Variants in DNAJC1 observed in about 807,000 individuals in gnomAD.
DNAJC1 encodes dnaJ homolog subfamily C member 1.
Under a neutral mutation model 76.6 loss-of-function variants are expected in DNAJC1, and 58 were observed. The ratio of observed to expected loss-of-function variants is 0.76; its 90% CI spans 0.61 to 0.94. The LOEUF (loss-of-function observed/expected upper bound fraction) is 0.94. Among genes scored for constraint, DNAJC1 ranks in the 40% least tolerant of loss-of-function variants. DNAJC1 has a pLI of 0.00. For missense variants in DNAJC1, 689 were observed against 677.3 expected, an observed-to-expected ratio of 1.02 and a Z score of -0.19; for synonymous variants, 258 against 267.9, an observed-to-expected ratio of 0.96 and a Z score of 0.36.
chr10:21,908,489 T>TGGGG (rs55980435), intron 6 of DNAJC1, among the ~76,000 whole-genome samples: 108 of 137,070 alleles, frequency 7.9e-4, no homozygotes, highest in Middle Eastern at 3.6e-3. Context: ...CCATTTTTCA[T>TGGGG]GGGGGGGGGG....
intron 6 of DNAJC1, among the ~76,000 whole-genome samples, chr10:21,906,416 T>C (rs946818646): frequency 6.6e-6 from 1 of 152,188 alleles, no homozygotes; most frequent in African/African-American, 2.4e-5. Context: ...ATATGAGTCA[T>C]TTATACCTTG....
intron 8 of DNAJC1, among the ~76,000 whole-genome samples, chr10:21,873,165 C>T (rs1404363690): frequency 1.3e-5 from 2 of 152,058 alleles, no homozygotes; most frequent in East Asian, 1.9e-4. Context: ...GTTGTAAGCC[C>T]TTAAAAGGGA....
intron 8 of DNAJC1, among the ~76,000 whole-genome samples, chr10:21,837,820 G>A (rs1475896219): frequency 7.0e-6 from 1 of 143,806 alleles, no homozygotes; most frequent in Non-Finnish European, 1.5e-5. Context: ...CGTCCGGGAG[G>A]GAGGTGGGGG....
intron 6 of DNAJC1, among the ~76,000 whole-genome samples, chr10:21,916,567 T>G (rs1224944735): frequency 6.6e-6 from 1 of 152,224 alleles, no homozygotes; most frequent in Non-Finnish European, 1.5e-5. Flanking sequence ...TTTAAAAGTT[T>G]AAGGTTGTAC....
intron 9 of DNAJC1, among the ~76,000 whole-genome samples, chr10:21,766,962 C>A (rs1222774628): frequency 6.9e-6 from 1 of 145,456 alleles, no homozygotes; most frequent in African/African-American, 2.6e-5. Flanking sequence ...GGAGTGAGAC[C>A]CTGCCTAAAA....
chr10:21,771,628 G>A (rs962932351), intron 9 of DNAJC1, among the ~76,000 whole-genome samples: 14 of 152,058 alleles, frequency 9.2e-5, no homozygotes, highest in Non-Finnish European at 1.8e-4. Flanking sequence ...CTCCCGAGTA[G>A]CTGGGATTAC....
At chr10:21,973,640 T>C (rs1157584397) in intron 1 of DNAJC1, among the ~76,000 whole-genome samples, 1 of 152,088 alleles carries the variant, frequency 6.6e-6, no homozygotes, top group Non-Finnish European at 1.5e-5. Flanking sequence ...AAGAACTGTG[T>C]TTCAAAACAA....
At chr10:21,885,170 A>G (rs1430117659) in intron 7 of DNAJC1, among the ~76,000 whole-genome samples, 1 of 152,046 alleles carries the variant, frequency 6.6e-6, no homozygotes, top group Non-Finnish European at 1.5e-5. Flanking sequence ...AAATGAAGGG[A>G]AAACTACCAA....
chr10:21,975,167 A>G (rs1334561929), intron 1 of DNAJC1, among the ~76,000 whole-genome samples: 4 of 152,272 alleles, frequency 2.6e-5, no homozygotes, highest in East Asian at 1.9e-4. Context: ...TTACTTTAAA[A>G]TAGTTATTTG....
chr10:21,932,549 C>G (rs1012995954), intron 1 of DNAJC1, among the ~76,000 whole-genome samples: 6 of 152,174 alleles, frequency 3.9e-5, no homozygotes, highest in African/African-American at 1.4e-4. Flanking sequence ...TAGGCAAGCA[C>G]TTAAGAGAAA....
chr10:21,935,641 C>T (rs1171521703), intron 1 of DNAJC1, among the ~76,000 whole-genome samples: 1 of 146,092 alleles, frequency 6.8e-6, no homozygotes, highest in East Asian at 2.1e-4. Flanking sequence ...TCTCAACAAA[C>T]CCCAAGTAGG....
At chr10:21,776,231 G>C (rs1795596308) in intron 9 of DNAJC1, among the ~76,000 whole-genome samples, 1 of 152,116 alleles carries the variant, frequency 6.6e-6, no homozygotes, top group South Asian at 2.1e-4. Context: ...TCAGTCAACA[G>C]TTACATGGTT....
At chr10:21,907,308 A>AT (rs1256966142) in intron 6 of DNAJC1, among the ~76,000 whole-genome samples, 2 of 148,000 alleles carry the variant, frequency 1.4e-5, no homozygotes, top group African/African-American at 5.0e-5. Flanking sequence ...AACATTCCTC[A>AT]TGTTTTTTTT....
At chr10:21,983,167 G>C (rs1441697978) in intron 1 of DNAJC1, among the ~76,000 whole-genome samples, 1 of 152,084 alleles carries the variant, frequency 6.6e-6, no homozygotes, top group Non-Finnish European at 1.5e-5. Flanking sequence ...GTATACCAAT[G>C]GTCATAGCAG....
At chr10:21,935,895 C>A (rs1471641779) in intron 1 of DNAJC1, among the ~76,000 whole-genome samples, 1 of 151,908 alleles carries the variant, frequency 6.6e-6, no homozygotes, top group Non-Finnish European at 1.5e-5. Flanking sequence ...ATTATGATAT[C>A]CCAGTTAAAA....
chr10:21,820,578 TG>T (rs1227458367), intron 8 of DNAJC1, among the ~76,000 whole-genome samples: 4 of 152,300 alleles, frequency 2.6e-5, no homozygotes, highest in Admixed American at 1.3e-4. Flanking sequence ...AGACACCACC[TG>T]GGTGTCTGCC....
At chr10:21,823,437 G>A (rs1377922459) in intron 8 of DNAJC1, among the ~76,000 whole-genome samples, 2 of 152,090 alleles carry the variant, frequency 1.3e-5, no homozygotes, top group East Asian at 3.9e-4. Flanking sequence ...TTTTTACATA[G>A]GGTAGTTTAG....
At chr10:21,841,681 G>A (rs1230306810) in intron 8 of DNAJC1, among the ~76,000 whole-genome samples, 1 of 152,154 alleles carries the variant, frequency 6.6e-6, no homozygotes, top group Admixed American at 6.5e-5. Context: ...CAACCATTGT[G>A]GAAGTCAGTG....
intron 3 of DNAJC1, among the ~76,000 whole-genome samples, chr10:21,925,249 C>T (rs1393518801): frequency 2.0e-5 from 3 of 152,074 alleles, no homozygotes; most frequent in Non-Finnish European, 4.4e-5. Context: ...TGGGCTCAAG[C>T]GATCCTCCCA....
Sources: allele counts gnomAD v4.1 joint callset (sites outside exome capture counted in the v4.1 genomes callset), GRCh38; gene constraint gnomAD v4.1.1; transcripts MANE v1.5; gene names NCBI Gene and HGNC (gene_info 2026-07-23, HGNC 2026-07-21).